Variants in CACNA1C observed in about 807,000 individuals in gnomAD.
CACNA1C encodes the protein calcium voltage-gated channel subunit alpha1 C.
In CACNA1C, 30 loss-of-function variants were observed where a neutral mutation model predicts 229.0. The observed-to-expected ratio is 0.13, with a 90% CI of 0.10 to 0.18. The LOEUF is 0.18. Ranked by LOEUF, CACNA1C falls within the 10% of genes least tolerant of loss-of-function variation. CACNA1C has a pLI of 1.00. For synonymous variants in CACNA1C, 1,114 were observed against 1,132.5 expected, an observed-to-expected ratio of 0.98 and a Z score of 0.33; for missense variants, 1,658 against 2,845.0, an observed-to-expected ratio of 0.58 and a Z score of 9.49.
In CACNA1C at chr12:2,655,230, C is replaced by T. The variant is rs1476420888; in HGVS notation, c.4224C>T (p.Leu1408=). The change falls in exon 34 of 47, where the codon CTC becomes CTT. Residue 1408 remains leucine, a synonymous_variant. Transcript: ENST00000399655. ...AGACCTTCCCCCAGGCCGTGCTGCTCCTCTTCAGGTGGGTCCCTGAAGACA... is the reference window on the plus strand; with the variant it reads ...AGACCTTCCCCCAGGCCGTGCTGCTTCTCTTCAGGTGGGTCCCTGAAGACA... ...NFQTFPQAVL[L]LFRCATGEAW... 2.5e-6 allele frequency: 4 copies of T among 1,609,082 alleles called. No individual in the cohort carries two copies. Among genetic ancestry groups the T allele is most frequent in the Admixed American group, 1.7e-5 (1 of 59,986 alleles).
intron 1 of CACNA1C, among the ~76,000 whole-genome samples, chr12:2,089,853 T>A (rs1474413108): frequency 7.3e-6 from 1 of 137,022 alleles, no homozygotes. Context: ...GCCAACATAG[T>A]GAAACCCCTA....
In CACNA1C at chr12:2,607,144, G is replaced by A. The variant is rs1261635136; in HGVS notation, c.3356+14G>A. 1 of 1,606,298 alleles carries A rather than the reference G, an allele frequency of 6.2e-7. No homozygotes were observed. The highest frequency in any genetic ancestry group is 2.2e-5 in the East Asian group (1 of 44,594). ...AGGGTGGCCAGAGTGAGTATGCAAA[G>A]CAAGGCCCCACGAGCCCTGACATTC... On this transcript the variant is annotated intron_variant, in intron 26 of 46. Coordinates refer to ENST00000399655, the MANE Select transcript of CACNA1C (RefSeq NM_000719.7).
chr12:2,499,985 G>A (rs963928486), intron 7 of CACNA1C, among the ~76,000 whole-genome samples: 5 of 152,190 alleles, frequency 3.3e-5, no homozygotes, highest in African/African-American at 7.2e-5. Context: ...GAAAGTAAGA[G>A]GGAAGTGAAA....
chr12:2,216,761 G>T (rs2060082341), intron 3 of CACNA1C, among the ~76,000 whole-genome samples: 1 of 152,196 alleles, frequency 6.6e-6, no homozygotes, highest in East Asian at 1.9e-4. Context: ...CTAATAGGCA[G>T]CCAGGGTTGA....
chr12:1,990,602 T>G (rs1332592491), intron 1 of CACNA1C, among the ~76,000 whole-genome samples: 2 of 152,192 alleles, frequency 1.3e-5, no homozygotes, highest in African/African-American at 4.8e-5. Flanking sequence ...CAATTCTACC[T>G]TTGTCTATTT....
chr12:2,272,886 G>A (rs554139465), intron 3 of CACNA1C, among the ~76,000 whole-genome samples: 1 of 152,324 alleles, frequency 6.6e-6, no homozygotes, highest in Non-Finnish European at 1.5e-5. Flanking sequence ...GAAGAAATCA[G>A]TTTATAGGCA....
chr12:2,451,331 C>G (rs575144171), intron 4 of CACNA1C, among the ~76,000 whole-genome samples: 1 of 152,314 alleles, frequency 6.6e-6, no homozygotes, highest in South Asian at 2.1e-4. Flanking sequence ...CTCAAGGCCT[C>G]AGTCTCCTGG....
intron 1 of CACNA1C, among the ~76,000 whole-genome samples, chr12:2,060,103 C>T (rs967203103): frequency 1.3e-5 from 2 of 152,164 alleles, no homozygotes; most frequent in African/African-American, 2.4e-5. Context: ...ATTCAGATCA[C>T]GATTTTGTCT....
intron 3 of CACNA1C, among the ~76,000 whole-genome samples, chr12:2,358,301 GTGTGTGTC>G (rs1325317093): frequency 2.7e-4 from 28 of 105,570 alleles, no homozygotes; most frequent in Admixed American, 5.9e-4. Context: ...GTGTGTGTGT[GTGTGTGTC>G]TCTTTGTCAT....
intron 29 of CACNA1C, chr12:2,612,835 G>C (rs1381561172): frequency 6.6e-6 from 1 of 152,274 alleles, no homozygotes; most frequent in Non-Finnish European, 1.5e-5. Context: ...CACCAGGACA[G>C]CTGCTTCTGA....
intron 1 of CACNA1C, among the ~76,000 whole-genome samples, chr12:2,006,401 C>G (rs2043469831): frequency 6.6e-6 from 1 of 151,738 alleles, no homozygotes; most frequent in South Asian, 2.1e-4. Flanking sequence ...GAGCGAGACT[C>G]CATCTCAAAA....
intron 9 of CACNA1C, among the ~76,000 whole-genome samples, chr12:2,547,280 C>T (rs928957695): frequency 7.9e-5 from 12 of 152,106 alleles, no homozygotes; most frequent in Admixed American, 3.9e-4. Context: ...GTTATGTTTT[C>T]CTGTATGTTT....
At chr12:2,487,708 G>A (rs2099702934) in intron 6 of CACNA1C, among the ~76,000 whole-genome samples, 1 of 151,986 alleles carries the variant, frequency 6.6e-6, no homozygotes, top group African/African-American at 2.4e-5. Flanking sequence ...TGGAATCCTT[G>A]TTAAGTTGGA....
rs1484476959 is a variant in CACNA1C, at chr12:2,678,137, T to A, written c.5091+270T>A. On this transcript the variant is annotated intron_variant, in intron 41 of 46. Coordinates refer to ENST00000399655, the MANE Select transcript of CACNA1C (RefSeq NM_000719.7). The surrounding 1 kb of genome is among the most constrained non-coding windows in gnomAD (Gnocchi z 4.1). ...GAACCGCCTTCCTAAGGGAAATGTT[T>A]CCTAGGAGAAACTTCTGCATTAGAA... is the stretch of plus-strand genomic sequence containing the variant. Among the ~76,000 whole-genome samples the A allele has an allele frequency of 3.3e-5, 5 of 152,202 alleles. No homozygotes were observed. Among genetic ancestry groups the A allele is most frequent in the Non-Finnish European group, 5.9e-5 (4 of 68,032 alleles).
rs745772228 is a variant in CACNA1C at position 2,677,896 on chromosome 12, C to T, written c.5091+29C>T. On this transcript the variant is annotated intron_variant, in intron 41 of 46. Transcript: ENST00000399655. This position sits in a 1 kb window ranked among gnomAD's most constrained non-coding sequence, Gnocchi z 7.4. Reference sequence around the variant, plus strand: ...GGTGGTGCCATGGCGCACTCTCGACCCCTATAAAGTTCAGTTTGGAGCAAG... The same window carrying T: ...GGTGGTGCCATGGCGCACTCTCGACTCCTATAAAGTTCAGTTTGGAGCAAG... 1.2e-6 allele frequency: 2 copies of T among 1,612,180 alleles called. No individual in the cohort carries two copies. Among genetic ancestry groups the T allele is most frequent in the Non-Finnish European group, 1.7e-6 (2 of 1,178,642 alleles).
intron 3 of CACNA1C, among the ~76,000 whole-genome samples, chr12:2,438,279 T>TGGTG (rs2099168043): frequency 8.0e-6 from 1 of 124,638 alleles, no homozygotes; most frequent in African/African-American, 3.3e-5. Flanking sequence ...GTGGTAATGA[T>TGGTG]AGTGGTAATG....
In CACNA1C at chr12:2,086,898, G is replaced by C. The variant is rs146689957; in HGVS notation, c.50-28326G>C. On this transcript the variant is annotated intron_variant, in intron 1 of 46. Coordinates refer to ENST00000399655, the MANE Select transcript of CACNA1C (RefSeq NM_000719.7). ...GGCAGCTGGAAAATGTAGGCTAGCT[G>C]TGACCCCAGGAAGAAAAAGGGAACA... Among the ~76,000 whole-genome samples, 507 of 152,294 alleles carry C rather than the reference G, an allele frequency of 3.3e-3. 1 individual carries two copies. Among genetic ancestry groups the C allele is most frequent in the African/African-American group, 0.011 (476 of 41,564 alleles).
chr12:2,053,278 A>C lies in CACNA1C; in HGVS notation c.-285A>C. The C allele has an allele frequency of 8.9e-7, 1 of 1,125,156 alleles. No homozygotes were observed. The highest frequency in any genetic ancestry group is 1.1e-6 in the Non-Finnish European group (1 of 919,956). The allele number at this position is 1,125,156 out of a possible 1,614,324, so 69.7% of individuals were successfully genotyped here. A position where few individuals can be genotyped will look rare whatever the true frequency, so the allele number is the denominator to read the frequency against. On this transcript the variant is annotated 5_prime_UTR_variant, in exon 1 of 47. Transcript: ENST00000399655. This position sits in a 1 kb window ranked among gnomAD's most constrained non-coding sequence, Gnocchi z 5.8. Reference sequence around the variant, plus strand: ...TTTTTTCAAATGGTGTAGCCGCCGGAGGTGCGGTGCTCAGTTCTTGGAAGG... The same window carrying C: ...TTTTTTCAAATGGTGTAGCCGCCGGCGGTGCGGTGCTCAGTTCTTGGAAGG...
chr12:2,360,174 A>AC (rs2097523180), intron 3 of CACNA1C, among the ~76,000 whole-genome samples: 3 of 20,192 alleles, frequency 1.5e-4, no homozygotes, highest in Admixed American at 4.2e-4. Flanking sequence ...CCACCCCCCC[A>AC]CCCCACACAC....
Sources: allele counts gnomAD v4.1 joint callset (sites outside exome capture counted in the v4.1 genomes callset), GRCh38; gene constraint gnomAD v4.1.1; non-coding constraint Gnocchi (gnomAD v3.1); transcripts MANE v1.5; gene names NCBI Gene and HGNC (gene_info 2026-07-23, HGNC 2026-07-21).